Variants in ERBB4 observed in about 807,000 individuals in gnomAD.
ERBB4 encodes receptor tyrosine-protein kinase erbB-4.
A neutral mutation model predicts 158.0 loss-of-function variants in ERBB4; 42 were observed. That is an observed-to-expected ratio of 0.27 (90% CI 0.21 to 0.34). ERBB4 has a LOEUF of 0.34. Ranked by LOEUF, ERBB4 falls within the 10% of genes least tolerant of loss-of-function variation. ERBB4 has a pLI of 1.00. For missense variants in ERBB4, 1,333 were observed against 1,624.1 expected (o/e 0.82, Z 3.08); for synonymous variants, 583 against 558.7 (o/e 1.04, Z -0.61).
intron 1 of ERBB4, among the ~76,000 whole-genome samples, chr2:212,257,058 C>T (rs778006265): frequency 6.6e-5 from 10 of 152,098 alleles, no homozygotes; most frequent in African/African-American, 1.2e-4. Flanking sequence ...TTTTCCAGCC[C>T]TCCTCCACCC....
chr2:212,515,794 C>T (rs1428709833), intron 1 of ERBB4, among the ~76,000 whole-genome samples: 2 of 151,844 alleles, frequency 1.3e-5, no homozygotes, highest in African/African-American at 4.8e-5. Context: ...CCATTAAATA[C>T]CAAAAGCTTA....
At chr2:211,707,411 C>T (rs1479953171) in intron 9 of ERBB4, among the ~76,000 whole-genome samples, 1 of 152,088 alleles carries the variant, frequency 6.6e-6, no homozygotes, top group African/African-American at 2.4e-5. Context: ...ACTACGTCTA[C>T]CGTGTCATTG....
intron 2 of ERBB4, among the ~76,000 whole-genome samples, chr2:211,955,460 G>T (rs10497956): frequency 0.078 from 11,836 of 151,958 alleles, 1,039 homozygotes; most frequent in African/African-American, 0.22. Flanking sequence ...TTCATCTCCT[G>T]ACCTTATCAA....
chr2:212,458,272 A>ATT (rs552854736), intron 1 of ERBB4, among the ~76,000 whole-genome samples: 2 of 150,656 alleles, frequency 1.3e-5, no homozygotes, highest in Non-Finnish European at 3.0e-5. Context: ...GGAAAATTCC[A>ATT]TTTTTTTTTA....
intron 2 of ERBB4, among the ~76,000 whole-genome samples, chr2:212,011,470 G>T (rs142863419): frequency 6.6e-6 from 1 of 152,168 alleles, no homozygotes; most frequent in East Asian, 1.9e-4. Context: ...GAGCATTTCA[G>T]CTAGGTGCAG....
At chr2:211,640,329 G>T (rs2070530622) in intron 16 of ERBB4, among the ~76,000 whole-genome samples, 1 of 152,130 alleles carries the variant, frequency 6.6e-6, no homozygotes, top group Admixed American at 6.6e-5. Flanking sequence ...TGGCCTTGCA[G>T]CCTACTGAAG....
chr2:212,187,708 T>G (rs2082056203), intron 1 of ERBB4, among the ~76,000 whole-genome samples: 1 of 152,174 alleles, frequency 6.6e-6, no homozygotes, highest in Non-Finnish European at 1.5e-5. Context: ...TTTAAGTGAC[T>G]CAGATTTGGG....
intron 1 of ERBB4, among the ~76,000 whole-genome samples, chr2:212,235,585 T>C (rs1248779743): frequency 6.6e-6 from 1 of 152,240 alleles, no homozygotes; most frequent in Non-Finnish European, 1.5e-5. Flanking sequence ...AGGATATTGA[T>C]TTTTCCTATC....
At chr2:211,597,999 A>G (rs985460728) in intron 19 of ERBB4, among the ~76,000 whole-genome samples, 1 of 152,142 alleles carries the variant, frequency 6.6e-6, no homozygotes, top group Non-Finnish European at 1.5e-5. Flanking sequence ...GCAGTTTTGT[A>G]TGTCTGTGGG....
intron 1 of ERBB4, among the ~76,000 whole-genome samples, chr2:212,297,968 TAA>T (rs2086476808): frequency 6.6e-6 from 1 of 150,790 alleles, no homozygotes; most frequent in Admixed American, 6.6e-5. Context: ...AGCAAATAAG[TAA>T]GAACATTTTC....
In ERBB4 at chr2:212,391,203, G is replaced by A. The variant is rs778004982; in HGVS notation, c.82+147246C>T. ...ACCAATAAAATTGTTTCTTTTAGGC[G>A]TTCTACTTAAAACTCCAACTAAATT... is the stretch of plus-strand genomic sequence containing the variant. On this transcript the variant is annotated intron_variant, in intron 1 of 27. Transcript: ENST00000342788. Among the ~76,000 whole-genome samples the A allele has an allele frequency of 3.0e-4, 45 of 151,708 alleles. 1 individual carries two copies. The highest frequency in any genetic ancestry group is 6.8e-3 in the Middle Eastern group (2 of 294).
At chr2:211,949,541 G>C (rs2080815642) in intron 2 of ERBB4, among the ~76,000 whole-genome samples, 1 of 152,110 alleles carries the variant, frequency 6.6e-6, no homozygotes, top group Non-Finnish European at 1.5e-5. Context: ...AATATCAGTT[G>C]TTTCTTTTTA....
intron 1 of ERBB4, among the ~76,000 whole-genome samples, chr2:212,523,796 C>T (rs1260821862): frequency 6.6e-6 from 1 of 151,984 alleles, no homozygotes; most frequent in African/African-American, 2.4e-5. Flanking sequence ...TGTTCCTCAG[C>T]TGCCTCACTC....
intron 2 of ERBB4, among the ~76,000 whole-genome samples, chr2:212,119,674 G>C (rs2079684790): frequency 6.6e-6 from 1 of 152,024 alleles, no homozygotes; most frequent in African/African-American, 2.4e-5. Context: ...GTGGTTCCTT[G>C]GTAGTTGAAT....
At chr2:211,660,603 G>C in intron 15 of ERBB4, among the ~76,000 whole-genome samples, 1 of 152,276 alleles carries the variant, frequency 6.6e-6, no homozygotes, top group African/African-American at 2.4e-5. Flanking sequence ...CCTACATCTA[G>C]GTAGAAATGT....
At chr2:211,601,222 G>A (rs1489144599) in intron 19 of ERBB4, among the ~76,000 whole-genome samples, 8 of 151,392 alleles carry the variant, frequency 5.3e-5, no homozygotes, top group Non-Finnish European at 2.9e-5. Flanking sequence ...AACTGCGAAG[G>A]AAAAGTCAAG....
At chr2:211,993,229 C>T (rs559187473) in intron 2 of ERBB4, among the ~76,000 whole-genome samples, 15 of 152,158 alleles carry the variant, frequency 9.9e-5, no homozygotes, top group Middle Eastern at 3.4e-3. Flanking sequence ...GGGGTGAGAC[C>T]CTAACCCAAG....
At chr2:212,293,490 A>G (rs1234471451) in intron 1 of ERBB4, among the ~76,000 whole-genome samples, 1 of 152,082 alleles carries the variant, frequency 6.6e-6, no homozygotes, top group Non-Finnish European at 1.5e-5. Flanking sequence ...TATACAAAAC[A>G]ACCATCATCA....
intron 3 of ERBB4, among the ~76,000 whole-genome samples, chr2:211,794,867 G>C (rs1026988226): frequency 6.6e-6 from 1 of 151,670 alleles, no homozygotes; most frequent in African/African-American, 2.4e-5. Flanking sequence ...TATTCTCCCT[G>C]TGTTTTCTTA....
Sources: allele counts gnomAD v4.1 joint callset (sites outside exome capture counted in the v4.1 genomes callset), GRCh38; gene constraint gnomAD v4.1.1; transcripts MANE v1.5; gene names NCBI Gene and HGNC (gene_info 2026-07-23, HGNC 2026-07-21).